The following GLIS3 variants were observed in gnomAD, a reference collection of about 807,000 sequenced individuals.
GLIS3 encodes the protein GLIS family zinc finger 3.
A neutral mutation model predicts 78.6 loss-of-function variants in GLIS3; 53 were observed. The ratio of observed to expected loss-of-function variants is 0.67; its 90% CI spans 0.54 to 0.85. The LOEUF (loss-of-function observed/expected upper bound fraction) is 0.85, where lower values mean the gene tolerates loss of function less well. GLIS3 is among the 40% of genes least tolerant of loss of function. GLIS3 has a pLI of 0.00. For synonymous variants in GLIS3, 684 were observed against 509.9 expected, an observed-to-expected ratio of 1.34 and a Z score of -4.60; for missense variants, 1,703 against 1,231.1, an observed-to-expected ratio of 1.38 and a Z score of -5.74.
At chr9:4,364,562 A>G in the GLIS3 span, among the ~76,000 whole-genome samples, 2 of 152,108 alleles carry the variant, frequency 1.3e-5, no homozygotes, top group Non-Finnish European at 1.5e-5. Context: ...CCATAATGCA[A>G]TATTGCTGAG....
chr9:4,177,243 G>T (rs1288950489), intron 2 of GLIS3, among the ~76,000 whole-genome samples: 3 of 152,124 alleles, frequency 2.0e-5, no homozygotes, highest in Non-Finnish European at 4.4e-5. Flanking sequence ...TTTATGAGTG[G>T]TCTCTTCATG....
chr9:4,268,317 A>G (rs563782976), intron 2 of GLIS3, among the ~76,000 whole-genome samples: 37 of 152,180 alleles, frequency 2.4e-4, no homozygotes, highest in Non-Finnish European at 3.8e-4. Flanking sequence ...AAAAATTAAA[A>G]TTTCAAGTAC....
chr9:4,417,127 C>A, the GLIS3 span, among the ~76,000 whole-genome samples: 24 of 152,180 alleles, frequency 1.6e-4, no homozygotes, highest in African/African-American at 5.5e-4. Flanking sequence ...TATTAGTAAA[C>A]TGAATAACAA....
the GLIS3 span, among the ~76,000 whole-genome samples, chr9:4,455,691 G>C: frequency 1.3e-5 from 2 of 152,252 alleles, no homozygotes; most frequent in Non-Finnish European, 2.9e-5. Context: ...GAAAGATAAT[G>C]TGTTGATTGT....
chr9:4,203,462 T>G (rs914852340), intron 2 of GLIS3, among the ~76,000 whole-genome samples: 4 of 152,224 alleles, frequency 2.6e-5, no homozygotes, highest in African/African-American at 9.6e-5. Flanking sequence ...CTACGTAACA[T>G]GACTGCACGT....
At chr9:4,092,609 C>A (rs76292954) in intron 4 of GLIS3, among the ~76,000 whole-genome samples, 1 of 152,126 alleles carries the variant, frequency 6.6e-6, no homozygotes, top group Non-Finnish European at 1.5e-5. Context: ...TACACAGGGT[C>A]ATGATCATCA....
At chr9:4,042,284 A>G (rs1455103393) in intron 4 of GLIS3, among the ~76,000 whole-genome samples, 1 of 152,172 alleles carries the variant, frequency 6.6e-6, no homozygotes, top group Non-Finnish European at 1.5e-5. Context: ...CAAGATGTAA[A>G]CATTATCAAG....
At chr9:4,138,011 C>T (rs1042484314) in intron 2 of GLIS3, among the ~76,000 whole-genome samples, 8 of 152,220 alleles carry the variant, frequency 5.3e-5, no homozygotes, top group African/African-American at 1.9e-4. Context: ...TTATTGCTCA[C>T]AGATCAGGTA....
the GLIS3 span, among the ~76,000 whole-genome samples, chr9:4,417,554 G>A: frequency 1.3e-5 from 2 of 152,042 alleles, no homozygotes; most frequent in African/African-American, 4.8e-5. Context: ...TTGCTGTTTT[G>A]TAATGTCAAC....
rs1016810003 is a variant in GLIS3 at position 3,977,794 on chromosome 9, C to A, written c.1711-40605G>T. ...TCACCAAAGAGGAGAAAAAAATATT[C>A]TTAATTGAATTGAACCAGGAACACT... On this transcript the variant is annotated intron_variant, in intron 4 of 10. Coordinates refer to ENST00000381971, the MANE Select transcript of GLIS3 (RefSeq NM_001042413.2). The surrounding 1 kb of genome is among the most constrained non-coding windows in gnomAD (Gnocchi z 4.1). Among the ~76,000 whole-genome samples the A allele has an allele frequency of 2.0e-5, 3 of 152,156 alleles. No homozygotes were observed. The highest frequency in any genetic ancestry group is 7.2e-5 in the African/African-American group (3 of 41,422).
the GLIS3 span, among the ~76,000 whole-genome samples, chr9:4,451,190 G>A: frequency 1.3e-5 from 2 of 152,258 alleles, no homozygotes; most frequent in Admixed American, 6.5e-5. Flanking sequence ...AAAAGCAGGG[G>A]TTGCAATCCT....
At chr9:4,221,804 T>A (rs947998252) in intron 2 of GLIS3, among the ~76,000 whole-genome samples, 2 of 152,226 alleles carry the variant, frequency 1.3e-5, no homozygotes, top group South Asian at 4.1e-4. Flanking sequence ...GTCCCCAGTT[T>A]GAGACAAGAA....
At chr9:3,914,184 C>T (rs897735271) in intron 6 of GLIS3, among the ~76,000 whole-genome samples, 3 of 152,096 alleles carry the variant, frequency 2.0e-5, no homozygotes, top group African/African-American at 7.2e-5. Context: ...TTTGCTTTGT[C>T]ACCCAGGCTG....
chr9:4,307,094 G>T (rs189154568), intron 4 of GLIS3, among the ~76,000 whole-genome samples: 1 of 152,298 alleles, frequency 6.6e-6, no homozygotes, highest in East Asian at 1.9e-4. Context: ...ACATTTATTA[G>T]GGGCTTATTA....
intron 2 of GLIS3, among the ~76,000 whole-genome samples, chr9:4,231,299 T>C (rs1276925667): frequency 1.3e-5 from 2 of 152,162 alleles, no homozygotes. Flanking sequence ...GAACAGTAAA[T>C]TTGAAGATAA....
intron 4 of GLIS3, among the ~76,000 whole-genome samples, chr9:4,058,257 T>C (rs1481249214): frequency 6.6e-6 from 1 of 152,150 alleles, no homozygotes. Context: ...TTGGCTTTGC[T>C]TTTTATTTGT....
intron 4 of GLIS3, among the ~76,000 whole-genome samples, chr9:3,986,533 G>C (rs567976757): frequency 1.3e-5 from 2 of 152,310 alleles, no homozygotes; most frequent in South Asian, 2.1e-4. Context: ...GTACCAATGA[G>C]TTCTCAATTC....
rs191720459 is a variant in GLIS3 at position 3,825,752 on chromosome 9, C to G, written c.*2520G>C. 4 of 152,276 alleles carry G rather than the reference C, an allele frequency of 2.6e-5. No homozygotes were observed. In the East Asian group the frequency reaches 7.7e-4, roughly 29 times the overall value. The allele number at this position is 152,276 out of a possible 1,614,324, so 9.4% of individuals were successfully genotyped here. ...GTGTGTAGTCTGGAAGGCATCTGAA[C>G]GTGTCCTATCCTGAGGCTGCAATCT... On this transcript the variant is annotated 3_prime_UTR_variant, in exon 11 of 11. Coordinates refer to ENST00000381971, the MANE Select transcript of GLIS3 (RefSeq NM_001042413.2).
At chr9:4,274,964 A>G (rs1444698273) in intron 2 of GLIS3, among the ~76,000 whole-genome samples, 1 of 152,230 alleles carries the variant, frequency 6.6e-6, no homozygotes, top group African/African-American at 2.4e-5. Flanking sequence ...ATCCAATTAC[A>G]AACTTTTTAC....
Sources: gnomAD v4.1 joint callset for allele counts (sites outside exome capture counted in the v4.1 genomes callset) on GRCh38, gnomAD v4.1.1 for gene constraint, Gnocchi (gnomAD v3.1) non-coding constraint, MANE v1.5 for transcripts, NCBI Gene and HGNC (gene_info 2026-07-23, HGNC 2026-07-21) for gene names.